Variants in ESRRG observed in about 807,000 individuals in gnomAD.
ESRRG encodes estrogen related receptor gamma.
A neutral mutation model predicts 44.0 loss-of-function variants in ESRRG; 13 were observed. That is an observed-to-expected ratio of 0.30 (90% CI 0.19 to 0.47). The LOEUF (loss-of-function observed/expected upper bound fraction) is 0.47, where lower values mean the gene tolerates loss of function less well. Ranked by LOEUF, ESRRG falls within the 20% of genes least tolerant of loss-of-function variation. The pLI, the probability that ESRRG is intolerant of heterozygous loss-of-function variation, is 1.00. For missense variants in ESRRG, 395 were observed against 580.6 expected, an observed-to-expected ratio of 0.68 and a Z score of 3.29; for synonymous variants, 215 against 214.6, an observed-to-expected ratio of 1.00 and a Z score of -0.02.
chr1:216,911,934 G>T (rs550395352), intron 2 of ESRRG, among the ~76,000 whole-genome samples: 1 of 151,318 alleles, frequency 6.6e-6, no homozygotes, highest in African/African-American at 2.4e-5. Flanking sequence ...AACTAGCTGG[G>T]TGTGGTGATG....
chr1:216,516,315 C>G, intron 6 of ESRRG, among the ~76,000 whole-genome samples: 1 of 152,126 alleles, frequency 6.6e-6, no homozygotes, highest in Middle Eastern at 3.4e-3. Context: ...GCCACACACA[C>G]GAAGATAGAG....
intron 1 of ESRRG, among the ~76,000 whole-genome samples, chr1:217,062,773 T>C (rs1392653952): frequency 6.6e-6 from 1 of 152,156 alleles, no homozygotes; most frequent in African/African-American, 2.4e-5. Context: ...CAGTCTACAG[T>C]TTCAAATGTT....
intron 3 of ESRRG, among the ~76,000 whole-genome samples, chr1:216,589,714 G>A (rs1368235343): frequency 6.6e-6 from 1 of 151,790 alleles, no homozygotes; most frequent in Non-Finnish European, 1.5e-5. Context: ...GAACAGCCTG[G>A]CCAACATGGT....
intron 5 of ESRRG, among the ~76,000 whole-genome samples, chr1:216,526,264 C>T (rs951066314): frequency 2.0e-5 from 3 of 152,058 alleles, no homozygotes; most frequent in Non-Finnish European, 2.9e-5. Flanking sequence ...GACCTGGGAA[C>T]ATGACCTTAT....
intron 2 of ESRRG, among the ~76,000 whole-genome samples, chr1:216,857,494 C>T (rs2095968988): frequency 6.6e-6 from 1 of 151,940 alleles, no homozygotes; most frequent in Non-Finnish European, 1.5e-5. Context: ...AAATTCTGGA[C>T]ACATAAAACG....
intron 1 of ESRRG, among the ~76,000 whole-genome samples, chr1:217,126,060 T>C (rs543714837): frequency 1.3e-5 from 2 of 152,256 alleles, no homozygotes; most frequent in South Asian, 2.1e-4. Context: ...TCAAGAGATA[T>C]TGTGGTAGAG....
intron 1 of ESRRG, among the ~76,000 whole-genome samples, chr1:216,987,263 C>T (rs2075022878): frequency 6.6e-6 from 1 of 152,168 alleles, no homozygotes; most frequent in African/African-American, 2.4e-5. Flanking sequence ...TCTAACATAG[C>T]TGTGCTTAAG....
chr1:216,857,886 T>A (rs1377293851), intron 2 of ESRRG, among the ~76,000 whole-genome samples: 1 of 152,160 alleles, frequency 6.6e-6, no homozygotes, highest in Non-Finnish European at 1.5e-5. Context: ...GTTAAAAAAC[T>A]TTTCAAATTT....
chr1:216,974,217 C>T (rs2072376876), intron 1 of ESRRG, among the ~76,000 whole-genome samples: 1 of 152,102 alleles, frequency 6.6e-6, no homozygotes, highest in Non-Finnish European at 1.5e-5. Flanking sequence ...TTCAAAACAG[C>T]TAGAAGAATT....
At chr1:216,785,075 A>G (rs1378106867) in intron 2 of ESRRG, among the ~76,000 whole-genome samples, 1 of 152,064 alleles carries the variant, frequency 6.6e-6, no homozygotes, top group Admixed American at 6.6e-5. Flanking sequence ...CTCAGTGCCC[A>G]GAATAAAAAG....
intron 2 of ESRRG, among the ~76,000 whole-genome samples, chr1:216,896,534 A>C (rs2058440691): frequency 6.6e-6 from 1 of 152,168 alleles, no homozygotes; most frequent in African/African-American, 2.4e-5. Flanking sequence ...AAAGGTTAGA[A>C]ATGATAGTTA....
At position 216,989,427 on chromosome 1, in the gene ESRRG, C is replaced by CAA. The variant is rs67759463; in HGVS notation, c.-105-49756_-105-49755dup. Among the ~76,000 whole-genome samples, 676 of 76,114 alleles carry CAA rather than the reference C, an allele frequency of 8.9e-3. 1 individual carries two copies. The highest frequency in any genetic ancestry group is 0.014 in the East Asian group (37 of 2,576). 49.9% of individuals were successfully genotyped at this position (76,114 alleles called of 152,430 possible). On this transcript the variant is annotated intron_variant, in intron 1 of 7. Transcript: ENST00000359162. ...TGTCTGCATGGTAGAGACTCTGTCT[C>CAA]AAAAAAAAAAAAAAAAAAAAAAACA...
intron 1 of ESRRG, among the ~76,000 whole-genome samples, chr1:216,720,943 C>A (rs1559401026): frequency 6.6e-6 from 1 of 152,146 alleles, no homozygotes; most frequent in Non-Finnish European, 1.5e-5. Context: ...TAAGTCCGCT[C>A]TATAATCCTG....
intron 2 of ESRRG, among the ~76,000 whole-genome samples, chr1:216,841,507 T>C (rs1344068132): frequency 6.6e-6 from 1 of 152,088 alleles, no homozygotes; most frequent in Non-Finnish European, 1.5e-5. Flanking sequence ...GCCAACTTCA[T>C]TTAGGATGGA....
chr1:216,579,325 T>A (rs2062283223), intron 3 of ESRRG, among the ~76,000 whole-genome samples: 1 of 152,290 alleles, frequency 6.6e-6, no homozygotes, highest in African/African-American at 2.4e-5. Context: ...AATTGATATA[T>A]CATGTTAAAG....
Position 216,595,272 on chromosome 1 carries a change from G to A in ESRRG, c.590-27174C>T, listed in dbSNP as rs554656519. The stretch of plus-strand genomic sequence containing the variant: ...GCTTACTTATGTTTAAAATTATCTA[G>A]TGCTCATGGCACTCAGTGCTCATCA... On this transcript the variant is annotated intron_variant, in intron 3 of 6. Transcript: ENST00000408911. 2.0e-5 allele frequency among the ~76,000 whole-genome samples: 3 copies of A among 152,206 alleles called. No homozygotes were observed. The South Asian group carries it at 6.2e-4, about 32-fold the overall frequency.
At chr1:217,054,851 T>C (rs1460104540) in intron 1 of ESRRG, among the ~76,000 whole-genome samples, 1 of 152,134 alleles carries the variant, frequency 6.6e-6, no homozygotes, top group Admixed American at 6.5e-5. Flanking sequence ...ATAATATCAC[T>C]GAAACAACAC....
intron 2 of ESRRG, among the ~76,000 whole-genome samples, chr1:216,809,515 T>G (rs975052373): frequency 6.6e-6 from 1 of 152,160 alleles, no homozygotes; most frequent in African/African-American, 2.4e-5. Flanking sequence ...ATTTTTATGC[T>G]GAATTCCAAA....
intron 1 of ESRRG, among the ~76,000 whole-genome samples, chr1:217,126,771 A>G (rs2092895909): frequency 6.6e-6 from 1 of 152,176 alleles, no homozygotes; most frequent in South Asian, 2.1e-4. Context: ...ATGTAATGAT[A>G]ATATGGTACT....
Sources: allele counts gnomAD v4.1 joint callset (sites outside exome capture counted in the v4.1 genomes callset), GRCh38; gene constraint gnomAD v4.1.1; transcripts MANE v1.5; gene names NCBI Gene and HGNC (gene_info 2026-07-23, HGNC 2026-07-21).